Variants in CACNB2 observed in about 807,000 individuals in gnomAD.
CACNB2 encodes calcium voltage-gated channel auxiliary subunit beta 2.
Under a neutral mutation model 73.3 loss-of-function variants are expected in CACNB2, and 42 were observed. The observed-to-expected ratio is 0.57, with a 90% CI of 0.45 to 0.74. The LOEUF is 0.74. CACNB2 is among the 30% of genes least tolerant of loss of function. The pLI, the probability that CACNB2 is intolerant of heterozygous loss-of-function variation, is 0.00. For synonymous variants in CACNB2, 348 were observed against 310.3 expected (o/e 1.12, Z -1.28); for missense variants, 940 against 853.0 (o/e 1.10, Z -1.27).
rs896673107 is a variant in CACNB2, at chr10:18,455,391, G to A, written c.334-42964G>A. Among the ~76,000 whole-genome samples, 4 of 152,212 alleles carry A rather than the reference G, an allele frequency of 2.6e-5. No individual in the cohort carries two copies. The East Asian group carries it at 7.7e-4, about 29-fold the overall frequency. ...GAGTTACTTGGAAGAACTGAGGTAGGAGAGCTGTGTTTGAAGATTCCTGGA... is the reference window on the plus strand; with the variant it reads ...GAGTTACTTGGAAGAACTGAGGTAGAAGAGCTGTGTTTGAAGATTCCTGGA... On this transcript the variant is annotated intron_variant, in intron 3 of 13. Coordinates refer to ENST00000324631, the MANE Select transcript of CACNB2 (RefSeq NM_201596.3).
chr10:18,424,547 C>G (rs1036499773), intron 3 of CACNB2, among the ~76,000 whole-genome samples: 2 of 152,080 alleles, frequency 1.3e-5, no homozygotes, highest in East Asian at 1.9e-4. Context: ...TCAGTCTGGT[C>G]GGGTGTCCGA....
At chr10:18,166,804 T>C (rs2032888032) in intron 2 of CACNB2, among the ~76,000 whole-genome samples, 1 of 151,912 alleles carries the variant, frequency 6.6e-6, no homozygotes, top group Non-Finnish European at 1.5e-5. Flanking sequence ...AAATGACGAG[T>C]TAATGGGTGC....
chr10:18,185,488 T>G (rs1006658724), intron 2 of CACNB2, among the ~76,000 whole-genome samples: 15 of 152,230 alleles, frequency 9.9e-5, no homozygotes, highest in Admixed American at 3.9e-4. Flanking sequence ...GAAGGTCATC[T>G]TGGATTTGCT....
intron 3 of CACNB2, among the ~76,000 whole-genome samples, chr10:18,434,315 A>C (rs570736215): frequency 4.6e-5 from 7 of 152,208 alleles, no homozygotes; most frequent in Non-Finnish European, 8.8e-5. Flanking sequence ...AAGTGATTTA[A>C]CATAGGGAAT....
At chr10:18,169,307 G>A (rs554444508) in intron 2 of CACNB2, among the ~76,000 whole-genome samples, 2 of 152,208 alleles carry the variant, frequency 1.3e-5, no homozygotes, top group East Asian at 3.9e-4. Context: ...GTTCAGGAAA[G>A]AATTTACATG....
intron 2 of CACNB2, among the ~76,000 whole-genome samples, chr10:18,185,997 C>T (rs989519161): frequency 1.1e-4 from 17 of 151,954 alleles, no homozygotes; most frequent in Non-Finnish European, 1.3e-4. Flanking sequence ...AAGAAAGCTT[C>T]TTTTAGTTGA....
chr10:18,385,565 T>TGTGGTGAGCCGAGATC lies in CACNB2; in HGVS notation c.214-16355_214-16340dup, dbSNP rs536410416. On this transcript the variant is annotated intron_variant, in intron 2 of 13. Transcript: ENST00000324631. The stretch of plus-strand genomic sequence containing the variant: ...TCGCTTGAACTCAGGAGGCAGAGCT[T>TGTGGTGAGCCGAGATC]GTGGTGAGCCGAGATCGTGCCAAGC... 1.1e-4 allele frequency among the ~76,000 whole-genome samples: 16 copies of TGTGGTGAGCCGAGATC among 148,226 alleles called. 1 individual carries two copies. In the South Asian group the frequency reaches 3.0e-3, roughly 28 times the overall value.
chr10:18,456,371 G>A (rs2047281189), intron 3 of CACNB2, among the ~76,000 whole-genome samples: 1 of 152,164 alleles, frequency 6.6e-6, no homozygotes, highest in African/African-American at 2.4e-5. Flanking sequence ...GCTGAGGCAG[G>A]AGGATCACTT....
chr10:18,203,657 T>C (rs111536632), intron 2 of CACNB2, among the ~76,000 whole-genome samples: 1 of 152,172 alleles, frequency 6.6e-6, no homozygotes, highest in African/African-American at 2.4e-5. Flanking sequence ...CGTTGATTAT[T>C]TTAGCGGAGG....
intron 2 of CACNB2, among the ~76,000 whole-genome samples, chr10:18,381,514 C>T (rs1475755375): frequency 6.6e-6 from 1 of 151,664 alleles, no homozygotes; most frequent in Non-Finnish European, 1.5e-5. Flanking sequence ...ATGGTGAAAC[C>T]CCGTCTCTAC....
intron 6 of CACNB2, chr10:18,513,030 A>T (rs569764732): frequency 1.9e-5 from 3 of 159,120 alleles, no homozygotes; most frequent in Non-Finnish European, 4.0e-5. Flanking sequence ...CTCAGATGTG[A>T]TGTTTTCGCT....
intron 2 of CACNB2, among the ~76,000 whole-genome samples, chr10:18,172,607 C>T (rs2033321591): frequency 6.6e-6 from 1 of 152,158 alleles, no homozygotes; most frequent in South Asian, 2.1e-4. Flanking sequence ...AACCCTTGTC[C>T]TGTGCCCATT....
chr10:18,442,971 T>A (rs1289697879), intron 3 of CACNB2, among the ~76,000 whole-genome samples: 1 of 18,576 alleles, frequency 5.4e-5, no homozygotes, highest in Admixed American at 5.6e-4. Context: ...TATATATATG[T>A]GTATATATAT....
intron 3 of CACNB2, among the ~76,000 whole-genome samples, chr10:18,407,522 T>C (rs2044363360): frequency 6.6e-6 from 1 of 152,204 alleles, no homozygotes; most frequent in Non-Finnish European, 1.5e-5. Context: ...TGACATGCCT[T>C]GGTGTGCACC....
At chr10:18,160,729 G>A (rs1449356829) in intron 2 of CACNB2, among the ~76,000 whole-genome samples, 1 of 152,036 alleles carries the variant, frequency 6.6e-6, no homozygotes, top group Non-Finnish European at 1.5e-5. Context: ...GTGGTGGTCT[G>A]GTATGATCAA....
chr10:18,326,032 A>G (rs1458430180), intron 2 of CACNB2, among the ~76,000 whole-genome samples: 3 of 152,110 alleles, frequency 2.0e-5, no homozygotes, highest in African/African-American at 7.2e-5. Flanking sequence ...CACTGTGCCT[A>G]GCTGAAACCT....
At chr10:18,378,724 C>T (rs527293921) in intron 2 of CACNB2, among the ~76,000 whole-genome samples, 61 of 152,280 alleles carry the variant, frequency 4.0e-4, no homozygotes, top group African/African-American at 1.5e-3. Flanking sequence ...GCACTCCAGT[C>T]TGGGGAAACC....
At chr10:18,248,815 C>G (rs560464754) in intron 2 of CACNB2, among the ~76,000 whole-genome samples, 1 of 152,188 alleles carries the variant, frequency 6.6e-6, no homozygotes, top group African/African-American at 2.4e-5. Flanking sequence ...ACTTTCTCAA[C>G]TCTCTGTTCC....
chr10:18,259,564 C>A (rs57501673), intron 2 of CACNB2, among the ~76,000 whole-genome samples: 65,457 of 121,850 alleles, frequency 0.54, 18,692 homozygotes, highest in East Asian at 0.69. Context: ...AAAAAACAAA[C>A]AAAAAAAAAA....
Sources: gnomAD v4.1 joint callset for allele counts (sites outside exome capture counted in the v4.1 genomes callset) on GRCh38, gnomAD v4.1.1 for gene constraint, MANE v1.5 for transcripts, NCBI Gene and HGNC (gene_info 2026-07-23, HGNC 2026-07-21) for gene names.